The following C14orf132 variants were observed in gnomAD, a reference collection of about 807,000 sequenced individuals.
The protein encoded by C14orf132 is chromosome 14 open reading frame 132.
A neutral mutation model predicts 5.8 loss-of-function variants in C14orf132; 6 were observed. The observed-to-expected ratio is 1.03, with a 90% CI of 0.57 to 2.04. C14orf132 has a LOEUF of 2.04. C14orf132 is among the 30% of genes most tolerant of loss of function. The pLI is 0.00. For missense variants in C14orf132, 125 were observed against 115.8 expected, an observed-to-expected ratio of 1.08 and a Z score of -0.37; for synonymous variants, 51 against 49.8, an observed-to-expected ratio of 1.02 and a Z score of -0.10.
At chr14:96,072,037 A>C (rs1378688914) in intron 1 of C14orf132, among the ~76,000 whole-genome samples, 1 of 152,214 alleles carries the variant, frequency 6.6e-6, no homozygotes, top group Non-Finnish European at 1.5e-5. Context: ...CACAATGGTC[A>C]TGCAGGGCTC....
chr14:96,055,044 A>G (rs1887137897), intron 1 of C14orf132, among the ~76,000 whole-genome samples: 1 of 152,156 alleles, frequency 6.6e-6, no homozygotes, highest in Non-Finnish European at 1.5e-5. Flanking sequence ...GGGGTTTGCA[A>G]TTTTACTTTG....
At chr14:96,085,121 T>A (rs1888141468) in intron 1 of C14orf132, among the ~76,000 whole-genome samples, 1 of 152,210 alleles carries the variant, frequency 6.6e-6, no homozygotes, top group Admixed American at 6.5e-5. Context: ...TGACCTCTGC[T>A]TATCCACCTG....
At chr14:96,059,526 G>C (rs982965627) in intron 1 of C14orf132, among the ~76,000 whole-genome samples, 1 of 152,200 alleles carries the variant, frequency 6.6e-6, no homozygotes, top group African/African-American at 2.4e-5. Context: ...GGCAGAGGGG[G>C]ATTTGCAGGT....
Position 96,091,122 on chromosome 14 carries a change from T to C in C14orf132, c.*4387T>C, listed in dbSNP as rs1354863567. 4.8e-6 allele frequency: 2 copies of C among 414,968 alleles called. No homozygotes were observed. The highest frequency in any genetic ancestry group is 9.7e-6 in the Non-Finnish European group (2 of 207,168). The allele number at this position is 414,968 out of a possible 1,614,324, so 25.7% of individuals were successfully genotyped here. On this transcript the variant is annotated 3_prime_UTR_variant, in exon 2 of 2. Coordinates refer to ENST00000555004, the MANE Select transcript of C14orf132 (RefSeq NM_001252507.3). ...GAGGCCAGGGCTGAACGCTCACAGC[T>C]AAGGAGCTGTGATTCAGACCCAGTT...
rs114735375 is a variant in C14orf132 at position 96,055,115 on chromosome 14, T to G, written c.27+15588T>G. Among the ~76,000 whole-genome samples, 1,082 of 152,176 alleles carry G rather than the reference T, an allele frequency of 7.1e-3. 7 individuals are homozygous for G. The highest frequency in any genetic ancestry group is 0.025 in the African/African-American group (1,032 of 41,526). On this transcript the variant is annotated intron_variant, in intron 1 of 1. Coordinates refer to ENST00000555004, the MANE Select transcript of C14orf132 (RefSeq NM_001252507.3). ...GACAGAAGACATGAGACTCCCGGAGTCAAAGGGCATTATTACTCACACCGC... is the reference window on the plus strand; with the variant it reads ...GACAGAAGACATGAGACTCCCGGAGGCAAAGGGCATTATTACTCACACCGC...
At position 96,043,539 on chromosome 14, in the gene C14orf132, GA is replaced by G. The variant is rs145275457; in HGVS notation, c.27+4014del. 1.1e-3 allele frequency among the ~76,000 whole-genome samples: 167 copies of G among 152,254 alleles called. 1 individual carries two copies. The highest frequency in any genetic ancestry group is 3.9e-3 in the African/African-American group (161 of 41,542). The stretch of plus-strand genomic sequence containing the variant: ...TGGTTCTCAAATGTTGTTGCCATTA[GA>G]ATCACCTGGGAGCTTTCAAGAGTCC... On this transcript the variant is annotated intron_variant, in intron 1 of 1. Coordinates refer to ENST00000555004, the MANE Select transcript of C14orf132 (RefSeq NM_001252507.3).
At chr14:96,078,219 A>C (rs879894960) in intron 1 of C14orf132, among the ~76,000 whole-genome samples, 4 of 152,234 alleles carry the variant, frequency 2.6e-5, no homozygotes, top group Non-Finnish European at 5.9e-5. Context: ...CGGAACTGTC[A>C]CTGCTGCCAT....
intron 1 of C14orf132, among the ~76,000 whole-genome samples, chr14:96,051,443 C>T (rs1887022845): frequency 6.6e-6 from 1 of 152,216 alleles, no homozygotes; most frequent in Non-Finnish European, 1.5e-5. Context: ...GAGGCCCACG[C>T]AGTTTGCCAG....
intron 1 of C14orf132, among the ~76,000 whole-genome samples, chr14:96,077,222 A>G (rs1887895751): frequency 6.6e-6 from 1 of 152,098 alleles, no homozygotes; most frequent in South Asian, 2.1e-4. Context: ...TTTCTATACC[A>G]AGAGAGAAGT....
At position 96,039,997 on chromosome 14, in the gene C14orf132, G is replaced by T. The variant is rs1886645034; in HGVS notation, c.27+470G>T. ...GGTGACCTCGGGCGCCCCCTTTGCC[G>T]CCGCCTGAGGAAGGCTCTGAGACCC... On this transcript the variant is annotated intron_variant, in intron 1 of 1. Coordinates refer to ENST00000555004, the MANE Select transcript of C14orf132 (RefSeq NM_001252507.3). This position sits in a 1 kb window ranked among gnomAD's most constrained non-coding sequence, Gnocchi z 5.3. 6.6e-6 allele frequency among the ~76,000 whole-genome samples: 1 copy of T among 151,368 alleles called. No homozygotes were observed. The highest frequency in any genetic ancestry group is 6.6e-5 in the Admixed American group (1 of 15,190).
In C14orf132 at chr14:96,039,636, C is replaced by A; in HGVS notation, c.27+109C>A. On this transcript the variant is annotated intron_variant, in intron 1 of 1. Coordinates refer to ENST00000555004, the MANE Select transcript of C14orf132 (RefSeq NM_001252507.3). The surrounding 1 kb of genome is among the most constrained non-coding windows in gnomAD (Gnocchi z 5.3). The stretch of plus-strand genomic sequence containing the variant: ...TGGGCAGTGGCGCCCGCCCGCGATC[C>A]GCGTCCCGGTCCTTTGTCCCGAGCC... The A allele has an allele frequency of 1.7e-6, 2 of 1,158,718 alleles. No individual in the cohort carries two copies. Among genetic ancestry groups the A allele is most frequent in the Non-Finnish European group, 2.3e-6 (2 of 874,248 alleles). The allele number at this position is 1,158,718 out of a possible 1,614,324, so 71.8% of individuals were successfully genotyped here.
At chr14:96,074,751 T>C (rs1306268741) in intron 1 of C14orf132, among the ~76,000 whole-genome samples, 1 of 151,900 alleles carries the variant, frequency 6.6e-6, no homozygotes, top group Non-Finnish European at 1.5e-5. Context: ...GTGCATCTCA[T>C]TTCTGGACCC....
At chr14:96,043,944 CT>C (rs1487454926) in intron 1 of C14orf132, among the ~76,000 whole-genome samples, 1 of 152,186 alleles carries the variant, frequency 6.6e-6, no homozygotes, top group Non-Finnish European at 1.5e-5. Flanking sequence ...AGGTGGGTGC[CT>C]TTATTATTCC....
chr14:96,086,380 G>T, intron 1 of C14orf132, 131 bp from the exon 2 acceptor site: 1 of 741,816 alleles, frequency 1.3e-6, no homozygotes, highest in Non-Finnish European at 2.2e-6. Flanking sequence ...CAAAAGCAAA[G>T]CCCCATTTTG....
intron 1 of C14orf132, among the ~76,000 whole-genome samples, chr14:96,049,511 TATACGTATATATATACACATATATAC>T (rs1459139484): frequency 1.4e-5 from 2 of 144,686 alleles, no homozygotes; most frequent in East Asian, 4.0e-4. Flanking sequence ...TATATACGTA[TATACGTATATATATACACATATATAC>T]ATACGTATAT....
In C14orf132 at chr14:96,091,013, C is replaced by T. The variant is rs148323722; in HGVS notation, c.*4278C>T. The T allele has an allele frequency of 2.8e-4, 128 of 456,156 alleles. No homozygotes were observed. Among genetic ancestry groups the T allele is most frequent in the African/African-American group, 2.2e-3 (109 of 50,218 alleles). The allele number at this position is 456,156 out of a possible 1,614,324, so 28.3% of individuals were successfully genotyped here. On this transcript the variant is annotated 3_prime_UTR_variant, in exon 2 of 2. Transcript: ENST00000555004. ...TGTTGCTCTATTTGTGTCTCATTTACTTCTCAAATTGCCCCTGGGGGCAGG... is the reference window on the plus strand; with the variant it reads ...TGTTGCTCTATTTGTGTCTCATTTATTTCTCAAATTGCCCCTGGGGGCAGG...
chr14:96,060,064 C>G (rs573467322), intron 1 of C14orf132, among the ~76,000 whole-genome samples: 5 of 152,326 alleles, frequency 3.3e-5, no homozygotes, highest in Admixed American at 6.5e-5. Context: ...TTCAGAATCC[C>G]CTTCCCACAA....
intron 1 of C14orf132, among the ~76,000 whole-genome samples, chr14:96,084,662 A>G (rs1888124817): frequency 6.6e-6 from 1 of 152,226 alleles, no homozygotes; most frequent in Non-Finnish European, 1.5e-5. Flanking sequence ...TACTCATATA[A>G]AAATGTACCC....
At chr14:96,049,579 C>T (rs35492007) in intron 1 of C14orf132, among the ~76,000 whole-genome samples, 12,362 of 97,816 alleles carry the variant, frequency 0.13, 965 homozygotes, top group Middle Eastern at 0.17. Flanking sequence ...TACATATATA[C>T]GTATATATAT....
Sources: allele counts gnomAD v4.1 joint callset (sites outside exome capture counted in the v4.1 genomes callset), GRCh38; gene constraint gnomAD v4.1.1; non-coding constraint Gnocchi (gnomAD v3.1); transcripts MANE v1.5; gene names NCBI Gene and HGNC (gene_info 2026-07-23, HGNC 2026-07-21).